KAT6B: variants seen among roughly 807,000 people sequenced by gnomAD.
KAT6B encodes the protein lysine acetyltransferase 6B, also known as histone acetyltransferase KAT6B.
Under a neutral mutation model 187.5 loss-of-function variants are expected in KAT6B, and 10 were observed. That is an observed-to-expected ratio of 0.05 (90% CI 0.03 to 0.09). The LOEUF (loss-of-function observed/expected upper bound fraction) is 0.09, where lower values mean the gene tolerates loss of function less well. Ranked by LOEUF, KAT6B falls within the 10% of genes least tolerant of loss-of-function variation. KAT6B has a pLI of 1.00. For synonymous variants in KAT6B, 861 were observed against 926.8 expected, an observed-to-expected ratio of 0.93 and a Z score of 1.29; for missense variants, 1,952 against 2,558.9, an observed-to-expected ratio of 0.76 and a Z score of 5.12.
chr10:74,880,634 G>C (rs191977995), intron 3 of KAT6B, among the ~76,000 whole-genome samples: 32 of 150,034 alleles, frequency 2.1e-4, no homozygotes, highest in Non-Finnish European at 3.9e-4. Flanking sequence ...GTTTTTTTTT[G>C]AGATGGAGTT....
chr10:74,887,333 G>GT lies in KAT6B; in HGVS notation c.621+43861dup, dbSNP rs377059558. The stretch of plus-strand genomic sequence containing the variant: ...TCTGTGTGGCAGGGCTTTCGTCTCT[G>GT]TTTTTTGTTTTTGAGATGGAGTCTT... On this transcript the variant is annotated intron_variant, in intron 3 of 17. Transcript: ENST00000287239. Among the ~76,000 whole-genome samples, 139 of 152,172 alleles carry GT rather than the reference G, an allele frequency of 9.1e-4. 2 individuals carry two copies. The highest frequency in any genetic ancestry group is 3.2e-3 in the African/African-American group (133 of 41,536).
intron 13 of KAT6B, among the ~76,000 whole-genome samples, chr10:75,008,553 G>A (rs922285282): frequency 2.6e-5 from 4 of 152,204 alleles, no homozygotes; most frequent in Admixed American, 1.3e-4. Context: ...TTCACCCAGC[G>A]TTGGAGCTTT....
intron 17 of KAT6B, among the ~76,000 whole-genome samples, chr10:75,028,040 C>A (rs1414118407): frequency 6.6e-6 from 1 of 152,176 alleles, no homozygotes; most frequent in Non-Finnish European, 1.5e-5. Context: ...TGTCCACAAA[C>A]AGAGGTTTAC....
chr10:74,983,039 G>A (rs1477464813), intron 11 of KAT6B: 1 of 152,184 alleles, frequency 6.6e-6, no homozygotes, highest in Non-Finnish European at 1.5e-5. Flanking sequence ...GAGAACATGG[G>A]AAACTCCAGT....
At chr10:75,011,547 C>T (rs879145142) in intron 13 of KAT6B, among the ~76,000 whole-genome samples, 1 of 152,184 alleles carries the variant, frequency 6.6e-6, no homozygotes. Flanking sequence ...CTTACATCAA[C>T]ATATTTTTAA....
chr10:74,839,553 G>A (rs1370502770), intron 2 of KAT6B, among the ~76,000 whole-genome samples: 4 of 152,084 alleles, frequency 2.6e-5, no homozygotes, highest in Admixed American at 6.5e-5. Flanking sequence ...TTTAATGTAC[G>A]TTCGTTTGCT....
At chr10:74,859,389 T>G (rs1210409096) in intron 3 of KAT6B, among the ~76,000 whole-genome samples, 1 of 152,144 alleles carries the variant, frequency 6.6e-6, no homozygotes, top group Non-Finnish European at 1.5e-5. Context: ...CCAGCATATA[T>G]CTATAATTTA....
Position 75,020,707 on chromosome 10 carries a change from G to A in KAT6B, c.2755G>A (p.Glu919Lys). 1 of 1,614,158 alleles carries A rather than the reference G, an allele frequency of 6.2e-7. No individual in the cohort carries two copies. Among genetic ancestry groups the A allele is most frequent in the Non-Finnish European group, 8.5e-7 (1 of 1,180,032 alleles). Residue 919 changes from glutamate to lysine, a missense_variant, in exon 14 of 18, where the codon GAG becomes AAG. Glu to Lys is a moderately conservative substitution (Grantham distance 56). Transcript: ENST00000287239. ...VILEYLYHHH[E>K]RHISIKAISR... ...CTTGGAGTATCTCTACCACCACCAT[G>A]AGAGGCACATCAGCATCAAGGCAAT...
chr10:74,894,046 G>T (rs1845820010), intron 3 of KAT6B, among the ~76,000 whole-genome samples: 2 of 152,208 alleles, frequency 1.3e-5, no homozygotes, highest in African/African-American at 2.4e-5. Flanking sequence ...GACCCCTTAT[G>T]AATTAGCCTG....
intron 3 of KAT6B, among the ~76,000 whole-genome samples, chr10:74,868,254 A>G (rs1206679391): frequency 6.6e-6 from 1 of 152,162 alleles, no homozygotes; most frequent in Non-Finnish European, 1.5e-5. Flanking sequence ...ATTATATTTT[A>G]AGAGACGGTG....
Position 75,028,475 on chromosome 10 carries a change from G to T in KAT6B, c.3665-14G>T, listed in dbSNP as rs1192421093. 6.2e-7 allele frequency: 1 copy of T among 1,613,032 alleles called. No individual in the cohort carries two copies. The highest frequency in any genetic ancestry group is 2.2e-5 in the East Asian group (1 of 44,838). Reference sequence around the variant, plus strand: ...ACTGTTTTTTTTCCTTCCCGTTTTTGTCTCTTCACTAAGACAATATGAATG... The same window carrying T: ...ACTGTTTTTTTTCCTTCCCGTTTTTTTCTCTTCACTAAGACAATATGAATG... On this transcript the variant is annotated splice_polypyrimidine_tract_variant and intron_variant, in intron 17 of 17. Transcript: ENST00000287239.
At chr10:74,937,767 G>A (rs1301746048) in intron 3 of KAT6B, among the ~76,000 whole-genome samples, 1 of 152,210 alleles carries the variant, frequency 6.6e-6, no homozygotes, top group Non-Finnish European at 1.5e-5. Context: ...TTCATAGTAA[G>A]TGCTCTTAAA....
At chr10:74,929,734 A>G (rs1848738369) in intron 3 of KAT6B, among the ~76,000 whole-genome samples, 1 of 152,210 alleles carries the variant, frequency 6.6e-6, no homozygotes, top group Non-Finnish European at 1.5e-5. Context: ...GTAATTATTT[A>G]TTACTACATT....
In KAT6B at chr10:74,830,742, A is replaced by ATG. The variant is rs1395359373; in HGVS notation, c.-329+3958_-329+3959insGT. On this transcript the variant is annotated intron_variant, in intron 1 of 17. Transcript: ENST00000287239. Reference sequence around the variant, plus strand: ...ATTGCACAGCTCTTCATATATATATATATATATATATATATATATATATAT... The same window carrying ATG: ...ATTGCACAGCTCTTCATATATATATATGTATATATATATATATATATATATAT... 8.8e-4 allele frequency among the ~76,000 whole-genome samples: 12 copies of ATG among 13,702 alleles called. No homozygotes were observed. In the African/African-American group the frequency reaches 1.0e-2, roughly 11 times the overall value. The allele number at this position is 13,702 out of a possible 152,430, so 9.0% of individuals were successfully genotyped here.
chr10:74,912,054 C>G (rs1411454480), intron 3 of KAT6B, among the ~76,000 whole-genome samples: 1 of 152,110 alleles, frequency 6.6e-6, no homozygotes, highest in Admixed American at 6.5e-5. Context: ...GATCTTCCCA[C>G]CTTGGCCTCC....
chr10:75,003,198 G>A (rs545598924), intron 13 of KAT6B: 20 of 152,358 alleles, frequency 1.3e-4, no homozygotes, highest in African/African-American at 4.8e-4. Context: ...AGAAAGCAGA[G>A]CTGTGACATA....
At position 74,944,735 on chromosome 10, in the gene KAT6B, G is replaced by C. The variant is rs374555322; in HGVS notation, c.622-15235G>C. Among the ~76,000 whole-genome samples, 35 of 151,594 alleles carry C rather than the reference G, an allele frequency of 2.3e-4. 1 individual carries two copies. The East Asian group carries it at 6.2e-3, about 27-fold the overall frequency. ...GAGGCAGGAGAATGGCGTGAGCCCAGGGGGCGGAGCTTGCAGTGAGCCGAG... is the reference window on the plus strand; with the variant it reads ...GAGGCAGGAGAATGGCGTGAGCCCACGGGGCGGAGCTTGCAGTGAGCCGAG... On this transcript the variant is annotated intron_variant, in intron 3 of 17. Transcript: ENST00000287239.
At position 74,941,085 on chromosome 10, in the gene KAT6B, C is replaced by T. The variant is rs116188339; in HGVS notation, c.622-18885C>T. 9.4e-3 allele frequency among the ~76,000 whole-genome samples: 1,436 copies of T among 152,236 alleles called. 23 individuals are homozygous for T. The highest frequency in any genetic ancestry group is 0.033 in the African/African-American group (1,373 of 41,544). The stretch of plus-strand genomic sequence containing the variant: ...TCATCAGAATCAGGTTAAGATTCTT[C>T]GCACCTGGTTAAAAAGCACTGTCTG... On this transcript the variant is annotated intron_variant, in intron 3 of 17. Coordinates refer to ENST00000287239, the MANE Select transcript of KAT6B (RefSeq NM_012330.4).
rs573381459 is a variant in KAT6B at position 74,995,218 on chromosome 10, C to A, written c.2629+6106C>A. Among the ~76,000 whole-genome samples the A allele has an allele frequency of 6.6e-5, 10 of 152,270 alleles. No homozygotes were observed. The South Asian group carries it at 2.1e-3, about 32-fold the overall frequency. ...GGAGGTCAATATTTATATATGGTTC[C>A]TTTTGGCTTTACCCCAAGTGTATTT... On this transcript the variant is annotated intron_variant, in intron 13 of 17. Transcript: ENST00000287239.
Sources: gnomAD v4.1 joint callset for allele counts (sites outside exome capture counted in the v4.1 genomes callset) on GRCh38, gnomAD v4.1.1 for gene constraint, MANE v1.5 for transcripts, NCBI Gene and HGNC (gene_info 2026-07-23, HGNC 2026-07-21) for gene names.